ADGRL3: variants seen among roughly 807,000 people sequenced by gnomAD.
The protein encoded by ADGRL3 is adhesion G protein-coupled receptor L3.
A neutral mutation model predicts 153.5 loss-of-function variants in ADGRL3; 62 were observed. The ratio of observed to expected loss-of-function variants is 0.40; its 90% confidence interval spans 0.33 to 0.50. ADGRL3 has a LOEUF of 0.50. ADGRL3 is among the 20% of genes least tolerant of loss of function. The pLI, the probability that ADGRL3 is intolerant of heterozygous loss-of-function variation, is 0.47. For missense variants in ADGRL3, 1,641 were observed against 1,859.4 expected (o/e 0.88, Z 2.16); for synonymous variants, 710 against 672.5 (o/e 1.06, Z -0.86).
At chr4:61,947,248 A>G (rs370266612) in intron 16 of ADGRL3, 126 bp downstream of exon 16, 3 of 737,126 alleles carry the variant, frequency 4.1e-6, no homozygotes, top group African/African-American at 1.8e-5. Context: ...TTATCTGTAC[A>G]ATGTAGTGGT....
chr4:61,463,664 T>C (rs2097849104), intron 2 of ADGRL3, among the ~76,000 whole-genome samples: 1 of 152,154 alleles, frequency 6.6e-6, no homozygotes, highest in African/African-American at 2.4e-5. Context: ...CACTCTAAAA[T>C]TTTATCAGTG....
At position 61,508,740 on chromosome 4, in the gene ADGRL3, T is replaced by C. The variant is rs200158331; in HGVS notation, c.56-8575T>C. On this transcript the variant is annotated intron_variant, in intron 3 of 26. Transcript: ENST00000683033. ...TCCGACCTTGCCTCACTCTCCCTCCTAGTTCCCAGTGTTTATCGTTCTCAT... is the reference window on the plus strand; with the variant it reads ...TCCGACCTTGCCTCACTCTCCCTCCCAGTTCCCAGTGTTTATCGTTCTCAT... 3.3e-5 allele frequency among the ~76,000 whole-genome samples: 5 copies of C among 152,134 alleles called. No individual in the cohort carries two copies. In the East Asian group the frequency reaches 9.6e-4, roughly 29 times the overall value.
chr4:61,201,418 C>G lies in ADGRL3; in HGVS notation c.-587C>G, dbSNP rs1342988684. ...TGTGGACTGGGAGAGACATTTGAAC[C>G]CTCTTTTCTTTTCGCTCCCCTTTTG... is the stretch of plus-strand genomic sequence containing the variant. On this transcript the variant is annotated 5_prime_UTR_variant, in exon 1 of 27. Coordinates refer to ENST00000683033, the MANE Select transcript of ADGRL3 (RefSeq NM_001387552.1). 1 of 152,464 alleles carries G rather than the reference C, an allele frequency of 6.6e-6. No homozygotes were observed. Among genetic ancestry groups the G allele is most frequent in the Admixed American group, 6.5e-5 (1 of 15,284 alleles). 9.4% of individuals were successfully genotyped at this position (152,464 alleles called of 1,614,324 possible).
intron 1 of ADGRL3, among the ~76,000 whole-genome samples, chr4:61,344,843 A>G (rs928915242): frequency 2.6e-5 from 4 of 151,640 alleles, no homozygotes; most frequent in African/African-American, 4.8e-5. Context: ...CTGGAGTGCA[A>G]TGGTGTGATC....
rs58289743 is a variant in ADGRL3, at chr4:61,259,423, AAAATAAATAAATAAAT to A, written c.-240+57689_-240+57704del. ...GGGCGACAGAGTGAGACTCTGTCTC[AAAATAAATAAATAAAT>A]AAATAAATAAATAAATAAATAAATA... On this transcript the variant is annotated intron_variant, in intron 1 of 26. Coordinates refer to ENST00000683033, the MANE Select transcript of ADGRL3 (RefSeq NM_001387552.1). 1.3e-3 allele frequency among the ~76,000 whole-genome samples: 182 copies of A among 142,890 alleles called. 1 individual carries two copies. Among genetic ancestry groups the A allele is most frequent in the African/African-American group, 3.4e-3 (131 of 38,456 alleles). 93.7% of individuals were successfully genotyped at this position (142,890 alleles called of 152,430 possible).
chr4:61,287,876 A>G (rs773587579), intron 1 of ADGRL3, among the ~76,000 whole-genome samples: 12 of 152,002 alleles, frequency 7.9e-5, no homozygotes, highest in Non-Finnish European at 1.3e-4. Context: ...CAGGGGCAGA[A>G]AATAACAAAT....
At chr4:61,546,595 C>T (rs1221658127) in intron 4 of ADGRL3, among the ~76,000 whole-genome samples, 1 of 151,978 alleles carries the variant, frequency 6.6e-6, no homozygotes, top group Non-Finnish European at 1.5e-5. Context: ...ACATACTTTC[C>T]CAACTTCATG....
rs534590858 is a variant in ADGRL3, at chr4:61,336,731, T to G, written c.-239-46393T>G. 1.1e-4 allele frequency among the ~76,000 whole-genome samples: 16 copies of G among 152,208 alleles called. 1 individual carries two copies. In the South Asian group the frequency reaches 3.3e-3, roughly 32 times the overall value. ...CAACATTCATGGTGGGTACATTCAC[T>G]GTACCCATTCTACTGTGGCACTCCA... On this transcript the variant is annotated intron_variant, in intron 1 of 26. Coordinates refer to ENST00000683033, the MANE Select transcript of ADGRL3 (RefSeq NM_001387552.1).
chr4:62,010,142 A>G (rs188435540), intron 21 of ADGRL3, among the ~76,000 whole-genome samples: 1 of 152,240 alleles, frequency 6.6e-6, no homozygotes, highest in Non-Finnish European at 1.5e-5. Flanking sequence ...CATAGGCATG[A>G]TTGATTCAAC....
At chr4:61,255,561 CAT>C (rs569226276) in intron 1 of ADGRL3, among the ~76,000 whole-genome samples, 77 of 152,184 alleles carry the variant, frequency 5.1e-4, no homozygotes, top group African/African-American at 1.8e-3. Context: ...CAGAAGGAGA[CAT>C]GTAATTATTC....
intron 1 of ADGRL3, among the ~76,000 whole-genome samples, chr4:61,261,186 C>CTTT (rs1560396760): frequency 1.1e-5 from 1 of 89,364 alleles, no homozygotes; most frequent in Admixed American, 1.3e-4. Flanking sequence ...TTTTCATCTT[C>CTTT]TTCTTTTTTT....
intron 2 of ADGRL3, among the ~76,000 whole-genome samples, chr4:61,463,678 C>T (rs1288931588): frequency 6.6e-6 from 1 of 152,044 alleles, no homozygotes; most frequent in Admixed American, 6.6e-5. Flanking sequence ...ATCAGTGATA[C>T]ATTGAAAAGA....
intron 8 of ADGRL3, among the ~76,000 whole-genome samples, chr4:61,765,904 C>G (rs1041474360): frequency 6.6e-6 from 1 of 152,006 alleles, no homozygotes; most frequent in Non-Finnish European, 1.5e-5. Flanking sequence ...GCAGATGGAA[C>G]ACTGAGAAGT....
chr4:61,802,531 G>C (rs1354025052), intron 8 of ADGRL3, among the ~76,000 whole-genome samples: 1 of 151,962 alleles, frequency 6.6e-6, no homozygotes, highest in Non-Finnish European at 1.5e-5. Context: ...TCATATTCTT[G>C]TAGAAGTAGT....
At chr4:61,454,270 T>C (rs937797988) in intron 2 of ADGRL3, among the ~76,000 whole-genome samples, 4 of 152,054 alleles carry the variant, frequency 2.6e-5, no homozygotes, top group African/African-American at 9.7e-5. Context: ...TTAAAAACAA[T>C]CTGTGCTACC....
chr4:62,044,613 A>C (rs1409609300), intron 25 of ADGRL3, 64 bp downstream of exon 25: 1 of 1,112,934 alleles, frequency 9.0e-7, no homozygotes, highest in Non-Finnish European at 1.3e-6. Flanking sequence ...CCTTAAATTC[A>C]TTGCTTTATT....
At chr4:61,363,921 T>C (rs745699611) in intron 1 of ADGRL3, among the ~76,000 whole-genome samples, 3 of 152,118 alleles carry the variant, frequency 2.0e-5, no homozygotes, top group Non-Finnish European at 4.4e-5. Flanking sequence ...ACCTTTTGGG[T>C]TGTTTACTGT....
At chr4:61,657,336 AT>A (rs939283843) in intron 5 of ADGRL3, among the ~76,000 whole-genome samples, 1 of 152,080 alleles carries the variant, frequency 6.6e-6, no homozygotes, top group Non-Finnish European at 1.5e-5. Flanking sequence ...CAAACTTCAT[AT>A]CCCCCAAGAG....
At chr4:61,487,711 ATG>A (rs1242679883) in intron 2 of ADGRL3, among the ~76,000 whole-genome samples, 1 of 152,040 alleles carries the variant, frequency 6.6e-6, no homozygotes, top group Non-Finnish European at 1.5e-5. Context: ...AAGTATAGCT[ATG>A]TTCATTTAGA....
Sources: gnomAD v4.1 joint callset for allele counts (sites outside exome capture counted in the v4.1 genomes callset) on GRCh38, gnomAD v4.1.1 for gene constraint, MANE v1.5 for transcripts, NCBI Gene and HGNC (gene_info 2026-07-23, HGNC 2026-07-21) for gene names.